L3MBTL4: variants seen among roughly 807,000 people sequenced by gnomAD.
L3MBTL4 encodes the protein L3MBTL histone methyl-lysine binding protein 4.
Under a neutral mutation model 84.5 loss-of-function variants are expected in L3MBTL4, and 70 were observed. The observed-to-expected ratio is 0.83, with a 90% CI of 0.68 to 1.01. The LOEUF (loss-of-function observed/expected upper bound fraction) is 1.01, where lower values mean the gene tolerates loss of function less well. Among genes scored for constraint, L3MBTL4 ranks in the 50% least tolerant of loss-of-function variants. The pLI, the probability that L3MBTL4 is intolerant of heterozygous loss-of-function variation, is 0.00. For missense variants in L3MBTL4, 715 were observed against 754.8 expected (o/e 0.95, Z 0.62); for synonymous variants, 274 against 259.8 (o/e 1.05, Z -0.52).
intron 16 of L3MBTL4, among the ~76,000 whole-genome samples, chr18:6,064,478 T>A (rs1156519022): frequency 1.3e-5 from 2 of 152,132 alleles, no homozygotes; most frequent in Admixed American, 1.3e-4. Context: ...TATTGATTCT[T>A]CCCATCCATG....
At chr18:6,327,557 A>C (rs1386243386) in intron 1 of L3MBTL4, among the ~76,000 whole-genome samples, 1 of 152,176 alleles carries the variant, frequency 6.6e-6, no homozygotes, top group Non-Finnish European at 1.5e-5. Context: ...ATAGATACAC[A>C]CACACATCAG....
chr18:6,123,617 T>C (rs9955440), intron 14 of L3MBTL4, among the ~76,000 whole-genome samples: 2,395 of 152,308 alleles, frequency 0.016, 68 homozygotes, highest in African/African-American at 0.055. Flanking sequence ...TCCTTTTCTT[T>C]ATAAATTATC....
At chr18:6,231,760 C>T (rs2047008557) in intron 10 of L3MBTL4, among the ~76,000 whole-genome samples, 1 of 151,966 alleles carries the variant, frequency 6.6e-6, no homozygotes, top group Non-Finnish European at 1.5e-5. Context: ...TTGTATCCTG[C>T]CATTTTGTTG....
chr18:6,316,689 C>T (rs1220929648), intron 1 of L3MBTL4, among the ~76,000 whole-genome samples: 5 of 152,152 alleles, frequency 3.3e-5, no homozygotes, highest in Non-Finnish European at 7.3e-5. Context: ...CATTCCTAGA[C>T]ATGAAAACAG....
At chr18:6,043,923 A>G (rs953172627) in intron 16 of L3MBTL4, among the ~76,000 whole-genome samples, 1 of 152,188 alleles carries the variant, frequency 6.6e-6, no homozygotes, top group African/African-American at 2.4e-5. Context: ...AAAATCATGC[A>G]CTTCTGTATT....
intron 5 of L3MBTL4, among the ~76,000 whole-genome samples, chr18:6,257,961 CA>C (rs2146311960): frequency 6.6e-6 from 1 of 152,154 alleles, no homozygotes; most frequent in Non-Finnish European, 1.5e-5. Context: ...AGGAAATGTT[CA>C]AAAGAGAAGA....
At chr18:6,046,270 A>G (rs1052707227) in intron 16 of L3MBTL4, among the ~76,000 whole-genome samples, 2 of 152,198 alleles carry the variant, frequency 1.3e-5, no homozygotes, top group African/African-American at 4.8e-5. Context: ...CTACTTCTAG[A>G]CCTACAGAAA....
intron 10 of L3MBTL4, among the ~76,000 whole-genome samples, chr18:6,218,434 A>T (rs1459061122): frequency 6.6e-6 from 1 of 152,132 alleles, no homozygotes; most frequent in Non-Finnish European, 1.5e-5. Context: ...ACCAGTACAT[A>T]TGGTTGGATA....
chr18:6,341,782 C>A (rs1427965776), intron 1 of L3MBTL4, among the ~76,000 whole-genome samples: 1 of 151,542 alleles, frequency 6.6e-6, no homozygotes, highest in South Asian at 2.1e-4. Flanking sequence ...ACATTAAGAT[C>A]CAGGAAGTCC....
intron 16 of L3MBTL4, among the ~76,000 whole-genome samples, chr18:6,058,598 G>A (rs78788575): frequency 0.01 from 1,583 of 152,152 alleles, 29 homozygotes; most frequent in African/African-American, 0.035. Context: ...TATATTTGAA[G>A]GTAAAGGTTC....
chr18:6,286,514 T>C (rs2049598575), intron 4 of L3MBTL4, among the ~76,000 whole-genome samples: 2 of 151,572 alleles, frequency 1.3e-5, no homozygotes, highest in Non-Finnish European at 1.5e-5. Flanking sequence ...AATAAAAAAA[T>C]AAAACCTCTA....
intron 16 of L3MBTL4, among the ~76,000 whole-genome samples, chr18:6,032,974 T>C (rs776064934): frequency 2.0e-5 from 3 of 152,212 alleles, no homozygotes; most frequent in Non-Finnish European, 4.4e-5. Context: ...ATGTTTCTTG[T>C]GCACTTAAGA....
intron 1 of L3MBTL4, among the ~76,000 whole-genome samples, chr18:6,369,738 G>A (rs532445893): frequency 7.0e-4 from 107 of 152,290 alleles, no homozygotes; most frequent in African/African-American, 2.5e-3. Flanking sequence ...TCAAGAGTCA[G>A]GGAGTCCCAG....
At position 6,244,488 on chromosome 18, in the gene L3MBTL4, G is replaced by A. The variant is rs775062263; in HGVS notation, c.320C>T (p.Ala107Val). 8 of 1,604,866 alleles carry A rather than the reference G, an allele frequency of 5.0e-6. No homozygotes were observed. Among genetic ancestry groups the A allele is most frequent in the East Asian group, 2.2e-5 (1 of 44,804 alleles). Residue 107 changes from alanine to valine, a missense_variant, in exon 6 of 19, where the codon GCG becomes GTG. Ala to Val is a moderately conservative substitution (Grantham distance 64). Transcript: ENST00000317931. The stretch of plus-strand genomic sequence containing the variant: ...GACAGTAACACCACCTCTTACCTCC[G>A]CTACAGAAAGCACACAGAATACCGA... Reference protein sequence around the residue: ...HPSVFCVLSVAEVCGYRLRLH... With the variant: ...HPSVFCVLSVVEVCGYRLRLH...
chr18:5,964,885 A>G (rs1427677917), intron 17 of L3MBTL4, among the ~76,000 whole-genome samples: 1 of 152,064 alleles, frequency 6.6e-6, no homozygotes, highest in East Asian at 1.9e-4. Context: ...GAACTCATCT[A>G]CTCACTCGAA....
At chr18:6,032,385 T>TACACAG (rs1555634215) in intron 16 of L3MBTL4, 6 of 346,924 alleles carry the variant, frequency 1.7e-5, no homozygotes, top group Non-Finnish European at 2.4e-5. Context: ...TGAAATATGT[T>TACACAG]ACACACACAC....
chr18:5,970,821 T>C (rs567590), intron 16 of L3MBTL4, among the ~76,000 whole-genome samples: 100,852 of 152,202 alleles, frequency 0.66, 34,014 homozygotes, highest in African/African-American at 0.79. Context: ...GAGGCTGACC[T>C]GCATGATCAC....
At chr18:6,342,648 G>T (rs568064427) in intron 1 of L3MBTL4, among the ~76,000 whole-genome samples, 1 of 151,924 alleles carries the variant, frequency 6.6e-6, no homozygotes, top group South Asian at 2.1e-4. Flanking sequence ...AAAGGAAATG[G>T]CAACAGAGGA....
At chr18:6,228,803 G>C (rs569149565) in intron 10 of L3MBTL4, among the ~76,000 whole-genome samples, 1 of 152,216 alleles carries the variant, frequency 6.6e-6, no homozygotes, top group Admixed American at 6.5e-5. Flanking sequence ...GGCACATGGG[G>C]GTCATTGTCA....
Sources: gnomAD v4.1 joint callset for allele counts (sites outside exome capture counted in the v4.1 genomes callset) on GRCh38, gnomAD v4.1.1 for gene constraint, MANE v1.5 for transcripts, NCBI Gene and HGNC (gene_info 2026-07-23, HGNC 2026-07-21) for gene names.